Variants in HSPBAP1 observed in about 807,000 individuals in gnomAD.
HSPBAP1 encodes the protein HSPB1 associated protein 1.
A neutral mutation model predicts 45.2 loss-of-function variants in HSPBAP1; 27 were observed. The ratio of observed to expected loss-of-function variants is 0.60; its 90% CI spans 0.44 to 0.82. HSPBAP1 has a LOEUF of 0.82. Ranked by LOEUF, HSPBAP1 falls within the 40% of genes least tolerant of loss-of-function variation. HSPBAP1 has a pLI of 0.00. For missense variants in HSPBAP1, 510 were observed against 590.9 expected (o/e 0.86, Z 1.42); for synonymous variants, 204 against 202.7 (o/e 1.01, Z -0.06).
chr3:122,740,901 A>C, intron 7 of HSPBAP1, 26 bp from the exon 8 acceptor site: 6 of 1,611,392 alleles, frequency 3.7e-6, no homozygotes, highest in Non-Finnish European at 5.1e-6. Flanking sequence ...AACCTTTTAA[A>C]ATGGTTACAT....
intron 2 of HSPBAP1, among the ~76,000 whole-genome samples, chr3:122,771,234 G>A (rs751713407): frequency 2.6e-5 from 4 of 152,176 alleles, no homozygotes; most frequent in Non-Finnish European, 5.9e-5. Context: ...CCTGGTAGTA[G>A]CATCATTAAA....
In HSPBAP1 at chr3:122,777,898, C is replaced by T; in HGVS notation, c.73G>A (p.Val25Ile). Residue 25 changes from valine to isoleucine, a missense_variant, in exon 2 of 8, where the codon GTC becomes ATC. Val to Ile is a conservative substitution (Grantham distance 29). Coordinates refer to ENST00000306103, the MANE Select transcript of HSPBAP1 (RefSeq NM_024610.6). ...AGAGGEEGEH[V>I]KPFKPEKAKE... ...GCTTTCTCTGGCTTAAAAGGTTTGA[C>T]ATGTTCACCTAGAAAGAGAAATGAA... 1 of 1,610,732 alleles carries T rather than the reference C, an allele frequency of 6.2e-7. No individual in the cohort carries two copies. Among genetic ancestry groups the T allele is most frequent in the Non-Finnish European group, 8.5e-7 (1 of 1,177,428 alleles).
intron 1 of HSPBAP1, among the ~76,000 whole-genome samples, chr3:122,780,663 C>CG (rs1395945645): frequency 6.7e-6 from 1 of 149,800 alleles, no homozygotes; most frequent in Non-Finnish European, 1.5e-5. Context: ...CTGACCCCCC[C>CG]ACCTCCCTCC....
rs1444986514 is a variant in HSPBAP1, at chr3:122,768,631, G to A, written c.432+70C>T. 4 of 1,030,178 alleles carry A rather than the reference G, an allele frequency of 3.9e-6. No individual in the cohort carries two copies. The East Asian group carries it at 7.2e-5, about 18-fold the overall frequency. 63.8% of individuals were successfully genotyped at this position (1,030,178 alleles called of 1,614,324 possible). A position where few individuals can be genotyped will look rare whatever the true frequency, so the allele number is the denominator to read the frequency against. ...AGAAAAAGGCAGAGAAGGTGCCAGGGAGATTCTAATTTGTGTTCTTTTCTC... is the reference window on the plus strand; with the variant it reads ...AGAAAAAGGCAGAGAAGGTGCCAGGAAGATTCTAATTTGTGTTCTTTTCTC... On this transcript the variant is annotated intron_variant, in intron 3 of 7. Coordinates refer to ENST00000306103, the MANE Select transcript of HSPBAP1 (RefSeq NM_024610.6).
chr3:122,759,093 G>A, intron 4 of HSPBAP1, 131 bp downstream of exon 4: 3 of 1,339,922 alleles, frequency 2.2e-6, no homozygotes, highest in Non-Finnish European at 3.0e-6. Context: ...CCCTAATCAT[G>A]AGGCAGGCTG....
chr3:122,746,626 C>T (rs1318430972), intron 6 of HSPBAP1, among the ~76,000 whole-genome samples: 2 of 145,566 alleles, frequency 1.4e-5, no homozygotes, highest in Non-Finnish European at 3.1e-5. Flanking sequence ...CCTCTCTCCT[C>T]TCTCTCTCCT....
chr3:122,751,143 A>C (rs1365950799), intron 6 of HSPBAP1, among the ~76,000 whole-genome samples: 1 of 152,214 alleles, frequency 6.6e-6, no homozygotes, highest in Non-Finnish European at 1.5e-5. Flanking sequence ...CTTATACTCT[A>C]CCAAATAAGG....
At position 122,746,622 on chromosome 3, in the gene HSPBAP1, TC is replaced by T. The variant is rs1342727284; in HGVS notation, c.826-5510del. ...TCTCAGCTCTCTCCTCTCTCCTCTC[TC>T]CTCTCTCTCTCCTCTCCCCTCTCCC... On this transcript the variant is annotated intron_variant, in intron 6 of 7. Coordinates refer to ENST00000306103, the MANE Select transcript of HSPBAP1 (RefSeq NM_024610.6). 1.8e-4 allele frequency among the ~76,000 whole-genome samples: 27 copies of T among 151,156 alleles called. 1 individual carries two copies. In the South Asian group the frequency reaches 2.3e-3, roughly 13 times the overall value.
intron 3 of HSPBAP1, among the ~76,000 whole-genome samples, chr3:122,760,502 G>A (rs892954796): frequency 6.6e-6 from 1 of 151,788 alleles, no homozygotes; most frequent in African/African-American, 2.4e-5. Context: ...GGATTTTAAA[G>A]AGAAATTTAA....
chr3:122,747,864 A>C (rs1375495276), intron 6 of HSPBAP1, among the ~76,000 whole-genome samples: 3 of 151,048 alleles, frequency 2.0e-5, no homozygotes, highest in African/African-American at 7.3e-5. Flanking sequence ...CCCGGCCGCC[A>C]CCCCGTCTGG....
intron 1 of HSPBAP1, among the ~76,000 whole-genome samples, chr3:122,788,670 T>C (rs1316666576): frequency 6.6e-6 from 1 of 152,236 alleles, no homozygotes; most frequent in African/African-American, 2.4e-5. Flanking sequence ...GAAGACAGTA[T>C]GCTAACTGAA....
At chr3:122,758,798 G>C in intron 4 of HSPBAP1, 1 of 455,228 alleles carries the variant, frequency 2.2e-6, no homozygotes, top group East Asian at 7.0e-5. Context: ...TTGAGAGGCT[G>C]CGGCAGGAGG....
intron 2 of HSPBAP1, among the ~76,000 whole-genome samples, chr3:122,770,048 T>C (rs1934933480): frequency 6.6e-6 from 1 of 152,248 alleles, no homozygotes; most frequent in Admixed American, 6.5e-5. Flanking sequence ...AAAAGTTAGC[T>C]GAATCAGTAG....
intron 2 of HSPBAP1, 143 bp from the exon 3 acceptor site, chr3:122,769,025 T>C: frequency 1.7e-6 from 1 of 605,144 alleles, no homozygotes; most frequent in South Asian, 2.3e-5. Flanking sequence ...GGTGTGGTGG[T>C]GCATGCCTGT....
intron 3 of HSPBAP1, chr3:122,761,865 CA>C (rs1455904466): frequency 6.6e-6 from 1 of 151,624 alleles, no homozygotes; most frequent in African/African-American, 2.4e-5. Context: ...ATTCTCTTCC[CA>C]ATTAAGTTCA....
chr3:122,768,747 T>C lies in HSPBAP1; in HGVS notation c.386A>G (p.Tyr129Cys), dbSNP rs374765914. 2.5e-6 allele frequency: 4 copies of C among 1,612,794 alleles called. No homozygotes were observed. The highest frequency in any genetic ancestry group is 2.2e-5 in the East Asian group (1 of 44,858). ...TTCAAATAGACTGACAAAATATTTATAGTCAGCATAAGCCCAGAACTTGGA... is the reference window on the plus strand; with the variant it reads ...TTCAAATAGACTGACAAAATATTTACAGTCAGCATAAGCCCAGAACTTGGA... ...DHSKFWAYADYKYFVSLFEDK... is the reference protein window; with the variant it reads ...DHSKFWAYADCKYFVSLFEDK... Residue 129 changes from tyrosine (Y) to cysteine (C), a missense_variant, in exon 3 of 8, where the codon TAT (tyrosine) becomes TGT (cysteine). Physicochemically the swap from Tyr to Cys is radical, Grantham distance 194. Coordinates refer to ENST00000306103, the MANE Select transcript of HSPBAP1 (RefSeq NM_024610.6).
chr3:122,771,123 C>T (rs550005028), intron 2 of HSPBAP1, among the ~76,000 whole-genome samples: 2 of 152,198 alleles, frequency 1.3e-5, no homozygotes, highest in African/African-American at 4.8e-5. Flanking sequence ...GTAAAAATTA[C>T]ATACGAGAAC....
chr3:122,747,764 G>A lies in HSPBAP1; in HGVS notation c.825+4827C>T, dbSNP rs865937570. The stretch of plus-strand genomic sequence containing the variant: ...CCCCGTCCCGGAGGGAGGTGGGGGG[G>A]TCAGCCCCCCGCCCGGCCAGCCGCC... On this transcript the variant is annotated intron_variant, in intron 6 of 7. Coordinates refer to ENST00000306103, the MANE Select transcript of HSPBAP1 (RefSeq NM_024610.6). Among the ~76,000 whole-genome samples the A allele has an allele frequency of 4.9e-3, 617 of 126,350 alleles. 4 individuals are homozygous for A. Among genetic ancestry groups the A allele is most frequent in the African/African-American group, 8.2e-3 (268 of 32,564 alleles). 82.9% of individuals were successfully genotyped at this position (126,350 alleles called of 152,430 possible).
chr3:122,759,868 A>T (rs573709216), intron 3 of HSPBAP1, among the ~76,000 whole-genome samples: 1 of 152,238 alleles, frequency 6.6e-6, no homozygotes, highest in Non-Finnish European at 1.5e-5. Context: ...TACGCAACTT[A>T]CTAACTTTGT....
Sources: allele counts gnomAD v4.1 joint callset (sites outside exome capture counted in the v4.1 genomes callset), GRCh38; gene constraint gnomAD v4.1.1; transcripts MANE v1.5; gene names NCBI Gene and HGNC (gene_info 2026-07-23, HGNC 2026-07-21).